The following VGLL4 variants were observed in gnomAD, a reference collection of about 807,000 sequenced individuals.
VGLL4 encodes the protein transcription cofactor vestigial-like protein 4.
In VGLL4, 7 loss-of-function variants were observed where a neutral mutation model predicts 21.0. The ratio of observed to expected loss-of-function variants is 0.33; its 90% CI spans 0.19 to 0.63. VGLL4 has a LOEUF of 0.63. VGLL4 is among the 20% of genes least tolerant of loss of function. The pLI is 0.78. For synonymous variants in VGLL4, 222 were observed against 173.2 expected (o/e 1.28, Z -2.21); for missense variants, 394 against 425.7 (o/e 0.93, Z 0.66).
Position 11,558,460 on chromosome 3 carries a change from C to A in VGLL4, c.*96G>T, listed in dbSNP as rs1038953549. ...AATAAACCATCCCTTCCCTTCCCCCCACCCCACCCCCATGATTTTTTTTTT... is the reference window on the plus strand; with the variant it reads ...AATAAACCATCCCTTCCCTTCCCCCAACCCCACCCCCATGATTTTTTTTTT... On this transcript the variant is annotated 3_prime_UTR_variant, in exon 5 of 5. Coordinates refer to ENST00000430365, the MANE Select transcript of VGLL4 (RefSeq NM_001128219.3). The A allele has an allele frequency of 4.7e-6, 5 of 1,069,054 alleles. No homozygotes were observed. The African/African-American group carries it at 6.5e-5, about 14-fold the overall frequency. 66.2% of individuals were successfully genotyped at this position (1,069,054 alleles called of 1,614,324 possible). A position where few individuals can be genotyped will look rare whatever the true frequency, so the allele number is the denominator to read the frequency against.
intron 1 of VGLL4, among the ~76,000 whole-genome samples, chr3:11,636,299 T>C (rs1056318826): frequency 4.6e-5 from 7 of 152,228 alleles, no homozygotes; most frequent in Non-Finnish European, 5.9e-5. Flanking sequence ...CATTAGAGTC[T>C]GGAATTCACT....
At chr3:11,580,294 G>T (rs1014482139) in intron 2 of VGLL4, among the ~76,000 whole-genome samples, 5 of 152,186 alleles carry the variant, frequency 3.3e-5, no homozygotes, top group African/African-American at 1.2e-4. Flanking sequence ...CTTACACAAG[G>T]TGCATCTGTG....
intron 1 of VGLL4, among the ~76,000 whole-genome samples, chr3:11,610,004 C>G (rs555277035): frequency 9.8e-5 from 15 of 152,326 alleles, no homozygotes; most frequent in African/African-American, 2.9e-4. Flanking sequence ...TTCAGCCCCC[C>G]TCCCAGCCCC....
At chr3:11,692,651 T>C (rs976330009) in intron 2 of VGLL4, among the ~76,000 whole-genome samples, 3 of 151,496 alleles carry the variant, frequency 2.0e-5, no homozygotes, top group Non-Finnish European at 4.4e-5. Context: ...TGGGAACTAC[T>C]GTTCTGATGA....
chr3:11,558,131 C>T lies in VGLL4; in HGVS notation c.*425G>A, dbSNP rs914190150. On this transcript the variant is annotated 3_prime_UTR_variant, in exon 5 of 5. Coordinates refer to ENST00000430365, the MANE Select transcript of VGLL4 (RefSeq NM_001128219.3). ...TACACACGCACACACATGGACCGAA[C>T]CAAACACGCCGTGGAAGCTGAGCCA... 4.4e-6 allele frequency: 1 copy of T among 225,246 alleles called. No individual in the cohort carries two copies. The highest frequency in any genetic ancestry group is 2.2e-5 in the African/African-American group (1 of 44,708). 14.0% of individuals were successfully genotyped at this position (225,246 alleles called of 1,614,324 possible). A position where few individuals can be genotyped will look rare whatever the true frequency, so the allele number is the denominator to read the frequency against.
chr3:11,705,175 C>T (rs887503785), intron 1 of VGLL4, among the ~76,000 whole-genome samples: 1 of 152,212 alleles, frequency 6.6e-6, no homozygotes, highest in Non-Finnish European at 1.5e-5. Context: ...GCGGCTTAGT[C>T]ATCCATGCGT....
chr3:11,593,161 T>G (rs1200788806), intron 2 of VGLL4, among the ~76,000 whole-genome samples: 1 of 152,202 alleles, frequency 6.6e-6, no homozygotes, highest in African/African-American at 2.4e-5. Flanking sequence ...ATTGCTTCCT[T>G]CACTCTCATG....
intron 2 of VGLL4, among the ~76,000 whole-genome samples, chr3:11,699,020 T>G (rs1463040318): frequency 6.6e-6 from 1 of 152,190 alleles, no homozygotes; most frequent in African/African-American, 2.4e-5. Context: ...TTTCTGTTTG[T>G]AATAAGAGGC....
chr3:11,685,093 T>G (rs115283780), intron 2 of VGLL4, among the ~76,000 whole-genome samples: 1 of 152,218 alleles, frequency 6.6e-6, no homozygotes, highest in African/African-American at 2.4e-5. Context: ...TTTGGTTTTT[T>G]GTTCCTGCGT....
chr3:11,674,024 A>G (rs1360903682), intron 2 of VGLL4, among the ~76,000 whole-genome samples: 1 of 151,066 alleles, frequency 6.6e-6, no homozygotes, highest in Non-Finnish European at 1.5e-5. Context: ...AAAAAAAAAA[A>G]AAAAAAAAAA....
intron 1 of VGLL4, among the ~76,000 whole-genome samples, chr3:11,708,050 T>C (rs1157246271): frequency 6.6e-6 from 1 of 152,108 alleles, no homozygotes; most frequent in African/African-American, 2.4e-5. Flanking sequence ...AGCATCAGGA[T>C]TAATATGAAT....
chr3:11,704,993 G>GT (rs1340003661), intron 1 of VGLL4, among the ~76,000 whole-genome samples: 1 of 152,178 alleles, frequency 6.6e-6, no homozygotes, highest in Admixed American at 6.5e-5. Flanking sequence ...AAGCAGAATC[G>GT]GTTTAACAAC....
intron 2 of VGLL4, among the ~76,000 whole-genome samples, chr3:11,596,086 T>C (rs923568726): frequency 5.9e-5 from 9 of 152,140 alleles, no homozygotes; most frequent in Non-Finnish European, 1.2e-4. Flanking sequence ...GAAGGATGCT[T>C]TGCTTCCAGG....
intron 1 of VGLL4, chr3:11,627,230 A>ACACACACTCTCTCTCTCT (rs1491347863): frequency 3.2e-5 from 4 of 123,270 alleles, no homozygotes; most frequent in African/African-American, 1.3e-4. Flanking sequence ...ACACACACAC[A>ACACACACTCTCTCTCTCT]CTCTCTCTCT....
intron 1 of VGLL4, chr3:11,612,043 A>T (rs1230460600): frequency 6.6e-6 from 1 of 152,020 alleles, no homozygotes; most frequent in Non-Finnish European, 1.5e-5. Flanking sequence ...ACAGGGGCTG[A>T]AGGGAAAAAG....
chr3:11,702,455 C>CAAAAAAAAAAAAAAAAA, intron 2 of VGLL4, among the ~76,000 whole-genome samples: 1 of 96,170 alleles, frequency 1.0e-5, no homozygotes, highest in Non-Finnish European at 2.0e-5. Context: ...ACTAAAAATA[C>CAAAAAAAAAAAAAAAAA]AAAAAAAAAA....
chr3:11,576,137 C>T (rs1448346989), intron 2 of VGLL4, among the ~76,000 whole-genome samples: 4 of 152,228 alleles, frequency 2.6e-5, no homozygotes, highest in East Asian at 1.9e-4. Context: ...CCTGCCCCCA[C>T]GTTAGCAACT....
chr3:11,694,825 G>A (rs1253977014), intron 2 of VGLL4, among the ~76,000 whole-genome samples: 2 of 152,142 alleles, frequency 1.3e-5, no homozygotes, highest in African/African-American at 4.8e-5. Flanking sequence ...CGGCAGACTG[G>A]CAGCATATGC....
intron 2 of VGLL4, among the ~76,000 whole-genome samples, chr3:11,575,449 G>C (rs2074009853): frequency 6.6e-6 from 1 of 152,204 alleles, no homozygotes; most frequent in African/African-American, 2.4e-5. Flanking sequence ...CATCGTGTGT[G>C]AGTCTGCCCC....
Sources: allele counts gnomAD v4.1 joint callset (sites outside exome capture counted in the v4.1 genomes callset), GRCh38; gene constraint gnomAD v4.1.1; transcripts MANE v1.5; gene names NCBI Gene and HGNC (gene_info 2026-07-23, HGNC 2026-07-21).